The following MBP variants were observed in gnomAD, a reference collection of about 807,000 sequenced individuals.
The protein encoded by MBP is myelin basic protein, also known as Golli-MBP.
A neutral mutation model predicts 35.8 loss-of-function variants in MBP; 16 were observed. The ratio of observed to expected loss-of-function variants is 0.45; its 90% confidence interval spans 0.30 to 0.68. The LOEUF (loss-of-function observed/expected upper bound fraction) is 0.68. Among genes scored for constraint, MBP ranks in the 30% least tolerant of loss-of-function variants. The pLI, the probability that MBP is intolerant of heterozygous loss-of-function variation, is 0.08. For synonymous variants in MBP, 143 were observed against 159.6 expected (o/e 0.90, Z 0.78); for missense variants, 380 against 404.7 (o/e 0.94, Z 0.52).
intron 4 of MBP, among the ~76,000 whole-genome samples, chr18:77,008,051 C>G (rs577048493): frequency 7.9e-4 from 121 of 152,262 alleles, no homozygotes; most frequent in Non-Finnish European, 1.5e-3. Flanking sequence ...GAGGCTCCAT[C>G]TCTCTGTGGC....
rs1378808978 is a variant in MBP at position 76,988,659 on chromosome 18, G to C, written c.718-132C>G. 2.0e-6 allele frequency: 3 copies of C among 1,489,854 alleles called. No individual in the cohort carries two copies. Among genetic ancestry groups the C allele is most frequent in the Non-Finnish European group, 2.7e-6 (3 of 1,117,270 alleles). The allele number at this position is 1,489,854 out of a possible 1,614,324, so 92.3% of individuals were successfully genotyped here. A position where few individuals can be genotyped will look rare whatever the true frequency, so the allele number is the denominator to read the frequency against. On this transcript the variant is annotated intron_variant, in intron 6 of 8. Coordinates refer to ENST00000355994, the MANE Select transcript of MBP (RefSeq NM_001025101.2). The surrounding 1 kb of genome is among the most constrained non-coding windows in gnomAD (Gnocchi z 5.2). ...ACAGGTTCCACCCGGAGCTCCGAGG[G>C]GGGCCGCAGGCTCAGGGCCACAGCG...
intron 4 of MBP, chr18:77,015,717 A>T (rs1971588426): frequency 1.0e-6 from 1 of 985,380 alleles, no homozygotes; most frequent in East Asian, 1.1e-4. Context: ...TTTCTCTTCA[A>T]CAATTTCATG....
intron 2 of MBP, among the ~76,000 whole-genome samples, chr18:77,094,278 GT>G (rs775653628): frequency 4.6e-5 from 7 of 152,330 alleles, no homozygotes; most frequent in Admixed American, 1.3e-4. Context: ...CCAGCCTAAA[GT>G]TTCTCTTTAA....
chr18:77,026,121 A>C (rs547230610), intron 3 of MBP, among the ~76,000 whole-genome samples: 1 of 152,158 alleles, frequency 6.6e-6, no homozygotes, highest in Non-Finnish European at 1.5e-5. Context: ...TGTGCTTCCA[A>C]TGCTTCTGGT....
At chr18:77,016,017 T>C (rs867466458) in intron 4 of MBP, 1 of 985,376 alleles carries the variant, frequency 1.0e-6, no homozygotes, top group Non-Finnish European at 1.2e-6. Context: ...CCAAACACTC[T>C]AAACATCACG....
intron 2 of MBP, among the ~76,000 whole-genome samples, chr18:77,094,528 G>A (rs1400067404): frequency 6.6e-6 from 1 of 152,236 alleles, no homozygotes; most frequent in Admixed American, 6.5e-5. Context: ...CTCCCACGTT[G>A]AGGTGAGCAC....
chr18:77,106,557 CT>C (rs1976284755), intron 1 of MBP, among the ~76,000 whole-genome samples: 1 of 152,104 alleles, frequency 6.6e-6, no homozygotes, highest in Admixed American at 6.5e-5. Context: ...TGTGATGAAA[CT>C]GGGGCCCACG....
chr18:77,024,909 A>T (rs1220827599), intron 3 of MBP, among the ~76,000 whole-genome samples: 2 of 152,192 alleles, frequency 1.3e-5, no homozygotes, highest in East Asian at 3.8e-4. Context: ...GACCTGGGTG[A>T]CGTGTCCTCC....
intron 3 of MBP, among the ~76,000 whole-genome samples, chr18:77,025,651 A>T (rs1291149484): frequency 2.0e-5 from 3 of 149,934 alleles, no homozygotes; most frequent in African/African-American, 7.4e-5. Context: ...TCCATACCTG[A>T]CTGTCTCCAG....
rs563781532 is a variant in MBP at position 77,116,782 on chromosome 18, C to T, written c.-25-11496G>A. On this transcript the variant is annotated intron_variant, in intron 1 of 8. Transcript: ENST00000355994. ...GCTGAGGCAGGAGAATCTCTTGAAC[C>T]CAGTAGGCAGAGGTTGCACTGAGGC... is the stretch of plus-strand genomic sequence containing the variant. 1.3e-3 allele frequency among the ~76,000 whole-genome samples: 203 copies of T among 152,240 alleles called. 1 individual carries two copies. Among genetic ancestry groups the T allele is most frequent in the African/African-American group, 4.8e-3 (198 of 41,532 alleles).
chr18:77,090,815 A>C lies in MBP; in HGVS notation c.51+14396T>G, dbSNP rs1396190281. Reference sequence around the variant, plus strand: ...TGCTGTGCTCCCCCTGCCTATCTGCAGGACAACCGGGGAGTCTCAACCTAA... The same window carrying C: ...TGCTGTGCTCCCCCTGCCTATCTGCCGGACAACCGGGGAGTCTCAACCTAA... On this transcript the variant is annotated intron_variant, in intron 2 of 8. Transcript: ENST00000355994. 6.6e-5 allele frequency among the ~76,000 whole-genome samples: 10 copies of C among 152,176 alleles called. 1 individual carries two copies. Among genetic ancestry groups the C allele is most frequent in the African/African-American group, 2.4e-4 (10 of 41,440 alleles).
intron 7 of MBP, chr18:76,986,921 A>G (rs547129319): frequency 2.0e-6 from 2 of 985,464 alleles, no homozygotes; most frequent in East Asian, 2.3e-4. Context: ...AACACACAAC[A>G]CAGCTTAGAA....
intron 1 of MBP, chr18:77,127,391 A>T (rs1428305549): frequency 6.6e-6 from 1 of 152,222 alleles, no homozygotes; most frequent in African/African-American, 2.4e-5. Context: ...CTCATACAAA[A>T]ATTAACTCAA....
chr18:76,989,251 C>G lies in MBP; in HGVS notation c.682-339G>C, dbSNP rs1235375731. Reference sequence around the variant, plus strand: ...GAGCCCTTTCCGGGGCTAGGAGTAGCGGGCCCTCTGACATTCAGAGCTTCC... The same window carrying G: ...GAGCCCTTTCCGGGGCTAGGAGTAGGGGGCCCTCTGACATTCAGAGCTTCC... On this transcript the variant is annotated intron_variant, in intron 5 of 8. Transcript: ENST00000355994. The surrounding 1 kb of genome is among the most constrained non-coding windows in gnomAD (Gnocchi z 4.0). 6.6e-6 allele frequency among the ~76,000 whole-genome samples: 1 copy of G among 152,144 alleles called. No individual in the cohort carries two copies. Among genetic ancestry groups the G allele is most frequent in the Admixed American group, 6.5e-5 (1 of 15,284 alleles).
At chr18:77,005,088 C>T (rs1040501864) in intron 4 of MBP, 1 of 152,242 alleles carries the variant, frequency 6.6e-6, no homozygotes, top group Non-Finnish European at 1.5e-5. Flanking sequence ...GTGCTTCTGC[C>T]ATTAAGTAAA....
Position 76,987,674 on chromosome 18 carries a change from G to A in MBP, c.750+821C>T, listed in dbSNP as rs553726621. ...TAGCGTATGAGAGCATTGCAGTTTC[G>A]GAGACAGACACAACCTATCTACAAT... On this transcript the variant is annotated intron_variant, in intron 7 of 8. Transcript: ENST00000355994. The A allele has an allele frequency of 1.2e-5, 12 of 989,908 alleles. No homozygotes were observed. The South Asian group carries it at 2.8e-4, about 23-fold the overall frequency. The allele number at this position is 989,908 out of a possible 1,614,324, so 61.3% of individuals were successfully genotyped here.
chr18:77,130,870 G>A (rs1163377605), intron 1 of MBP, among the ~76,000 whole-genome samples: 1 of 151,784 alleles, frequency 6.6e-6, no homozygotes, highest in Non-Finnish European at 1.5e-5. Context: ...TGATACTTCT[G>A]GAGGATTTTC....
At chr18:77,056,160 G>A (rs1318093430) in intron 3 of MBP, among the ~76,000 whole-genome samples, 1 of 152,200 alleles carries the variant, frequency 6.6e-6, no homozygotes, top group African/African-American at 2.4e-5. Flanking sequence ...GGTCTGCAGA[G>A]GCTTTGGGGA....
intron 3 of MBP, among the ~76,000 whole-genome samples, chr18:77,061,262 T>C (rs918059197): frequency 1.3e-5 from 2 of 152,210 alleles, no homozygotes; most frequent in Admixed American, 6.5e-5. Context: ...CTTGAGGTCG[T>C]TGACTACCAT....
Sources: allele counts gnomAD v4.1 joint callset (sites outside exome capture counted in the v4.1 genomes callset), GRCh38; gene constraint gnomAD v4.1.1; non-coding constraint Gnocchi (gnomAD v3.1); transcripts MANE v1.5; gene names NCBI Gene and HGNC (gene_info 2026-07-23, HGNC 2026-07-21).